The following DLG2 variants were observed in gnomAD, a reference collection of about 807,000 sequenced individuals.
DLG2 encodes discs large MAGUK scaffold protein 2.
Under a neutral mutation model 132.5 loss-of-function variants are expected in DLG2, and 45 were observed. The ratio of observed to expected loss-of-function variants is 0.34; its 90% confidence interval spans 0.27 to 0.44. DLG2 has a LOEUF of 0.44. Among genes scored for constraint, DLG2 ranks in the 20% least tolerant of loss-of-function variants. The pLI is 1.00. For synonymous variants in DLG2, 424 were observed against 419.6 expected, an observed-to-expected ratio of 1.01 and a Z score of -0.13; for missense variants, 1,045 against 1,196.9, an observed-to-expected ratio of 0.87 and a Z score of 1.87.
rs748541834 is a variant in DLG2, at chr11:84,059,421, C to T, written c.813G>A (p.Ala271=). 15 of 1,613,270 alleles carry T rather than the reference C, an allele frequency of 9.3e-6. No individual in the cohort carries two copies. The highest frequency in any genetic ancestry group is 6.7e-5 in the Admixed American group (4 of 59,906). Residue 271 remains alanine (A), a synonymous_variant, in exon 11 of 28, where the codon GCG becomes GCA. Transcript: ENST00000376104. ...ACCCTGCTTCCTTCAGGGCTTCCAC[C>T]GCTTTACTGTGGGAAACCTCTGACA... ...VDVSEVSHSK[A]VEALKEAGSI... is the part of the protein sequence containing the mutation.
At chr11:83,470,542 C>T (rs1489950296) in intron 24 of DLG2, among the ~76,000 whole-genome samples, 4 of 152,068 alleles carry the variant, frequency 2.6e-5, no homozygotes, top group Admixed American at 2.6e-4. Context: ...GCTTAAGTAC[C>T]TTCTGTTTTC....
At chr11:84,436,921 T>C (rs2099002584) in intron 7 of DLG2, among the ~76,000 whole-genome samples, 1 of 151,946 alleles carries the variant, frequency 6.6e-6, no homozygotes. Context: ...TTACTGAGAG[T>C]CCCAGATATA....
At chr11:84,458,855 A>G (rs1379546832) in intron 7 of DLG2, among the ~76,000 whole-genome samples, 1 of 150,606 alleles carries the variant, frequency 6.6e-6, no homozygotes, top group African/African-American at 2.4e-5. Flanking sequence ...ATTACTGGTA[A>G]TATTTATTGA....
intron 9 of DLG2, among the ~76,000 whole-genome samples, chr11:84,110,089 T>C (rs1426502006): frequency 6.6e-6 from 1 of 152,134 alleles, no homozygotes; most frequent in Non-Finnish European, 1.5e-5. Flanking sequence ...TGCAAGGATG[T>C]GCTCAAAAAC....
chr11:83,554,225 C>T (rs1184363619), intron 19 of DLG2, among the ~76,000 whole-genome samples: 1 of 152,132 alleles, frequency 6.6e-6, no homozygotes, highest in Admixed American at 6.6e-5. Context: ...CAAGCTGGGA[C>T]ATTTTTCCAT....
chr11:83,520,160 G>T (rs1216079020), intron 21 of DLG2, among the ~76,000 whole-genome samples: 2 of 152,184 alleles, frequency 1.3e-5, no homozygotes, highest in African/African-American at 4.8e-5. Flanking sequence ...AAGGCGAATG[G>T]CATATCTGCA....
At chr11:83,497,231 G>C (rs1295817250) in intron 21 of DLG2, among the ~76,000 whole-genome samples, 1 of 152,154 alleles carries the variant, frequency 6.6e-6, no homozygotes, top group East Asian at 1.9e-4. Context: ...TGAAAGGGGG[G>C]AGAAGTAATG....
At chr11:84,540,495 AC>A (rs1407965761) in intron 6 of DLG2, among the ~76,000 whole-genome samples, 1 of 152,212 alleles carries the variant, frequency 6.6e-6, no homozygotes, top group Non-Finnish European at 1.5e-5. Context: ...ACAATGAGAT[AC>A]CATCTCACTC....
chr11:84,574,995 T>C (rs1401020394), intron 6 of DLG2, among the ~76,000 whole-genome samples: 3 of 152,142 alleles, frequency 2.0e-5, no homozygotes, highest in Non-Finnish European at 4.4e-5. Context: ...ACTCTGTCTA[T>C]AAAACTTCCC....
rs2064129936 is a variant in DLG2, at chr11:83,874,246, G to GAGAAGGAAGGAAGGAGAGAGGGAA, written c.1565+173_1565+174insTTCCCTCTCTCCTTCCTTCCTTCT. ...GAAAGAAAGAAAGACAAAGAAAGAAGGGAAGGAAGGAAGGAAAGAAGGAAG... is the reference window on the plus strand; with the variant it reads ...GAAAGAAAGAAAGACAAAGAAAGAAGAGAAGGAAGGAAGGAGAGAGGGAAGGAAGGAAGGAAGGAAAGAAGGAAG... On this transcript the variant is annotated intron_variant, in intron 16 of 27. Coordinates refer to ENST00000376104, the MANE Select transcript of DLG2 (RefSeq NM_001142699.3). 2.8e-5 allele frequency among the ~76,000 whole-genome samples: 4 copies of GAGAAGGAAGGAAGGAGAGAGGGAA among 143,972 alleles called. No homozygotes were observed. In the South Asian group the frequency reaches 9.2e-4, roughly 33 times the overall value. The allele number at this position is 143,972 out of a possible 152,430, so 94.5% of individuals were successfully genotyped here.
intron 3 of DLG2, among the ~76,000 whole-genome samples, chr11:85,454,485 T>C (rs2153046767): frequency 6.6e-6 from 1 of 152,304 alleles, no homozygotes; most frequent in East Asian, 1.9e-4. Context: ...TTAGGTTGTA[T>C]CTTTATTGAT....
At position 84,312,228 on chromosome 11, in the gene DLG2, TTGGGAGGCTGAGG is replaced by T. The variant is rs542721316; in HGVS notation, c.520-60950_520-60938del. Reference sequence around the variant, plus strand: ...GGCTCACACTTGTAATCCCAACACTTTGGGAGGCTGAGGCGGGCAGATCACAGGTCAGGAGTTT... The same window carrying T: ...GGCTCACACTTGTAATCCCAACACTTCGGGCAGATCACAGGTCAGGAGTTT... On this transcript the variant is annotated intron_variant, in intron 7 of 27. Transcript: ENST00000376104. 9.3e-3 allele frequency among the ~76,000 whole-genome samples: 1,415 copies of T among 152,214 alleles called. 10 individuals carry two copies. Among genetic ancestry groups the T allele is most frequent in the Non-Finnish European group, 0.014 (942 of 68,000 alleles).
At chr11:83,874,246 G>GGGAAGGAAGGAAGCAGAGAGGGAA (rs2064135188) in intron 16 of DLG2, among the ~76,000 whole-genome samples, 174 bp downstream of exon 16, 2 of 143,972 alleles carry the variant, frequency 1.4e-5, no homozygotes, top group Admixed American at 1.4e-4. Context: ...AAAGAAAGAA[G>GGGAAGGAAGGAAGCAGAGAGGGAA]GGAAGGAAGG....
chr11:83,647,545 A>G (rs1376705295), intron 18 of DLG2: 1 of 152,126 alleles, frequency 6.6e-6, no homozygotes, highest in Admixed American at 6.5e-5. Flanking sequence ...AAGGCCTTTA[A>G]TACCCAAGTC....
intron 7 of DLG2, among the ~76,000 whole-genome samples, chr11:84,363,491 C>T (rs934279156): frequency 2.0e-5 from 3 of 152,014 alleles, no homozygotes; most frequent in Admixed American, 2.0e-4. Flanking sequence ...GTTTCTTTTG[C>T]TGTGCAGAAG....
chr11:84,458,405 C>T (rs2099071158), intron 7 of DLG2, among the ~76,000 whole-genome samples: 2 of 150,786 alleles, frequency 1.3e-5, no homozygotes, highest in Non-Finnish European at 3.0e-5. Flanking sequence ...GATCATCGTC[C>T]TCCAGTCTTG....
chr11:84,418,142 G>A (rs1257134575), intron 7 of DLG2, among the ~76,000 whole-genome samples: 2 of 152,162 alleles, frequency 1.3e-5, no homozygotes, highest in Admixed American at 1.3e-4. Context: ...AAAGGAGTTT[G>A]CATATGGTGC....
At chr11:84,365,545 T>G (rs927331466) in intron 7 of DLG2, among the ~76,000 whole-genome samples, 5 of 152,088 alleles carry the variant, frequency 3.3e-5, no homozygotes, top group African/African-American at 1.2e-4. Flanking sequence ...ATTTCTTGCC[T>G]TCTGCTAGCT....
chr11:84,813,161 C>A (rs2076747325), intron 6 of DLG2, among the ~76,000 whole-genome samples: 1 of 151,716 alleles, frequency 6.6e-6, no homozygotes, highest in Non-Finnish European at 1.5e-5. Flanking sequence ...AATCTTTTTA[C>A]AAAATTAAAT....
Sources: allele counts gnomAD v4.1 joint callset (sites outside exome capture counted in the v4.1 genomes callset), GRCh38; gene constraint gnomAD v4.1.1; transcripts MANE v1.5; gene names NCBI Gene and HGNC (gene_info 2026-07-23, HGNC 2026-07-21).